The following PRSS38 variants were observed in gnomAD, a reference collection of about 807,000 sequenced individuals.
PRSS38 encodes the protein marapsin 2.
A neutral mutation model predicts 26.8 loss-of-function variants in PRSS38; 22 were observed. The ratio of observed to expected loss-of-function variants is 0.82; its 90% confidence interval spans 0.59 to 1.17. PRSS38 has a LOEUF of 1.17. Ranked by LOEUF, PRSS38 falls within the 50% of genes most tolerant of loss-of-function variation. The pLI is 0.00. For synonymous variants in PRSS38, 175 were observed against 172.1 expected (o/e 1.02, Z -0.13); for missense variants, 427 against 422.7 (o/e 1.01, Z -0.09).
At position 227,845,419 on chromosome 1, in the gene PRSS38, C is replaced by T. The variant is rs534441223; in HGVS notation, c.584-51C>T. On this transcript the variant is annotated intron_variant, in intron 3 of 4. Transcript: ENST00000366757. ...GTCCACTGTGGGGCAGGGATCCCCC[C>T]ACCCCACACGAAGCAGGTGCTGCCC... 57 of 1,378,486 alleles carry T rather than the reference C, an allele frequency of 4.1e-5. 2 individuals are homozygous for T. In the South Asian group the frequency reaches 6.6e-4, roughly 16 times the overall value. 85.4% of individuals were successfully genotyped at this position (1,378,486 alleles called of 1,614,324 possible). A position where few individuals can be genotyped will look rare whatever the true frequency, so the allele number is the denominator to read the frequency against.
exon 5 of PRSS38, chr1:227,846,150 C>G: frequency 6.2e-7 from 1 of 1,613,742 alleles, no homozygotes; most frequent in Non-Finnish European, 8.5e-7. Context: ...CTCTCTCCAG[C>G]TCTGGGGCCC....
At chr1:227,844,745 G>GGGGCT (rs1665392938) in intron 3 of PRSS38, among the ~76,000 whole-genome samples, 1 of 147,978 alleles carries the variant, frequency 6.8e-6, no homozygotes, top group African/African-American at 2.5e-5. Context: ...TATGTGTGGT[G>GGGGCT]AGGGCTCCTC....
At position 227,845,565 on chromosome 1, in the gene PRSS38, G is replaced by A. The variant is rs373091066; in HGVS notation, c.679G>A (p.Asp227Asn). The A allele has an allele frequency of 6.0e-5, 97 of 1,613,642 alleles. No individual in the cohort carries two copies. The highest frequency in any genetic ancestry group is 7.5e-5 in the Non-Finnish European group (89 of 1,179,810). ...CGGACACATGTCCTACATCATGCCC[G>A]ACATGCTGTGTGCTGGGGACATCCT... The change falls in exon 4 of 5, where the codon GAC becomes AAC. Residue 227 changes from aspartate to asparagine, a missense_variant. Asp to Asn is a conservative substitution (Grantham distance 23, BLOSUM62 1). Coordinates refer to ENST00000366757, the Ensembl canonical transcript of PRSS38.
At position 227,836,857 on chromosome 1, in the gene PRSS38, C is replaced by T. The variant is rs191011052; in HGVS notation, c.584-8613C>T. ...TACAGCTGAATTATGTTAACATATT[C>T]TTTTTTCATTTTTTAAAATGTTATT... On this transcript the variant is annotated intron_variant, in intron 3 of 4. Coordinates refer to ENST00000366757, the Ensembl canonical transcript of PRSS38. Among the ~76,000 whole-genome samples, 600 of 152,140 alleles carry T rather than the reference C, an allele frequency of 3.9e-3. 7 individuals carry two copies. The highest frequency in any genetic ancestry group is 0.014 in the African/African-American group (576 of 41,516).
intron 3 of PRSS38, among the ~76,000 whole-genome samples, chr1:227,839,620 G>A (rs146005584): frequency 9.2e-4 from 140 of 152,236 alleles, no homozygotes; most frequent in African/African-American, 3.2e-3. Flanking sequence ...GTGGTCTTTT[G>A]AGACTGTGAA....
chr1:227,837,532 C>A (rs1665255675), intron 3 of PRSS38, among the ~76,000 whole-genome samples: 1 of 151,026 alleles, frequency 6.6e-6, no homozygotes, highest in Non-Finnish European at 1.5e-5. Flanking sequence ...GTGTTTAGGT[C>A]ATGTGAACAA....
exon 5 of PRSS38, chr1:227,845,974 T>C (rs761666121): frequency 1.2e-6 from 2 of 1,614,146 alleles, no homozygotes; most frequent in South Asian, 2.2e-5. Flanking sequence ...GGGGCCCACT[T>C]GTCTGTGAAT....
At chr1:227,828,353 G>C (rs1361919115) in intron 3 of PRSS38, among the ~76,000 whole-genome samples, 1 of 152,096 alleles carries the variant, frequency 6.6e-6, no homozygotes, top group Non-Finnish European at 1.5e-5. Flanking sequence ...AATAACTTGC[G>C]TTATGAATCT....
intron 3 of PRSS38, among the ~76,000 whole-genome samples, chr1:227,839,010 AATAAGTGTTCTG>A (rs1665277712): frequency 6.6e-6 from 1 of 152,158 alleles, no homozygotes; most frequent in Non-Finnish European, 1.5e-5. Context: ...AATGCCAAGG[AATAAGTGTTCTG>A]GCAGCACAAA....
At chr1:227,835,855 AT>A (rs1328877115) in intron 3 of PRSS38, among the ~76,000 whole-genome samples, 1 of 152,174 alleles carries the variant, frequency 6.6e-6, no homozygotes, top group Non-Finnish European at 1.5e-5. Context: ...GGTGATAATG[AT>A]TATATGGCAT....
At position 227,816,355 on chromosome 1, in the gene PRSS38, C is replaced by T. The variant is rs1230962258; in HGVS notation, c.311+103C>T. 115 of 1,290,046 alleles carry T rather than the reference C, an allele frequency of 8.9e-5. No homozygotes were observed. The highest frequency in any genetic ancestry group is 5.0e-4 in the Middle Eastern group (2 of 4,016). The allele number at this position is 1,290,046 out of a possible 1,614,324, so 79.9% of individuals were successfully genotyped here. The stretch of plus-strand genomic sequence containing the variant: ...CGCAAGCCTCCCCCATCACCATTGT[C>T]GACTCCCTTCACCACTGTCGACCCG... On this transcript the variant is annotated intron_variant, in intron 2 of 4. Transcript: ENST00000366757. The surrounding 1 kb of genome is among the most constrained non-coding windows in gnomAD (Gnocchi z 5.1).
At chr1:227,817,138 G>C in intron 2 of PRSS38, 71 bp from the exon 3 acceptor site, 1 of 1,515,630 alleles carries the variant, frequency 6.6e-7, no homozygotes, top group South Asian at 1.2e-5. Context: ...CCTTGCGCTT[G>C]GCCTCCCCAG....
chr1:227,827,930 G>A (rs1255025164), intron 3 of PRSS38, among the ~76,000 whole-genome samples: 2 of 152,076 alleles, frequency 1.3e-5, no homozygotes, highest in Non-Finnish European at 2.9e-5. Context: ...CTTGATTTCT[G>A]CCTTAATTTC....
chr1:227,815,785 G>T, exon 1 of PRSS38: 1 of 1,612,500 alleles, frequency 6.2e-7, no homozygotes, highest in East Asian at 2.2e-5. Context: ...TGCTGCTCCT[G>T]GTGGTGGCCC....
intron 3 of PRSS38, among the ~76,000 whole-genome samples, chr1:227,824,548 A>G (rs1024849233): frequency 1.3e-5 from 2 of 152,048 alleles, no homozygotes; most frequent in South Asian, 4.1e-4. Context: ...ATATATCTTT[A>G]TAATAGGATG....
chr1:227,815,789 G>T (rs753221488), exon 1 of PRSS38: 9 of 1,612,534 alleles, frequency 5.6e-6, no homozygotes, highest in Non-Finnish European at 5.9e-6. Flanking sequence ...GCTCCTGGTG[G>T]TGGCCCCTCC....
exon 4 of PRSS38, chr1:227,845,486 G>A: frequency 1.9e-6 from 3 of 1,611,580 alleles, no homozygotes; most frequent in Non-Finnish European, 2.5e-6. Flanking sequence ...CCTCAGACGA[G>A]CTGCAGGAGA....
At chr1:227,830,250 G>T (rs1324228876) in intron 3 of PRSS38, among the ~76,000 whole-genome samples, 1 of 151,936 alleles carries the variant, frequency 6.6e-6, no homozygotes, top group East Asian at 1.9e-4. Flanking sequence ...AATTTTTCTT[G>T]TGATGTTTTT....
At chr1:227,819,539 T>C (rs142245231) in intron 3 of PRSS38, among the ~76,000 whole-genome samples, 66 of 152,326 alleles carry the variant, frequency 4.3e-4, no homozygotes, top group African/African-American at 1.5e-3. Flanking sequence ...AGGAATTGCA[T>C]TGAATATTCA....
Sources: gnomAD v4.1 joint callset for allele counts (sites outside exome capture counted in the v4.1 genomes callset) on GRCh38, gnomAD v4.1.1 for gene constraint, Gnocchi (gnomAD v3.1) non-coding constraint, MANE v1.5 for transcripts, NCBI Gene and HGNC (gene_info 2026-07-23, HGNC 2026-07-21) for gene names.